Variants in TTC34 observed in about 807,000 individuals in gnomAD.
The protein encoded by TTC34 is tetratricopeptide repeat protein 34.
Under a neutral mutation model 40.7 loss-of-function variants are expected in TTC34, and 44 were observed. The ratio of observed to expected loss-of-function variants is 1.08; its 90% CI spans 0.85 to 1.39. The LOEUF (loss-of-function observed/expected upper bound fraction) is 1.39, where lower values mean the gene tolerates loss of function less well. TTC34 is among the 40% of genes most tolerant of loss of function. The pLI is 0.00. For synonymous variants in TTC34, 422 were observed against 398.6 expected (o/e 1.06, Z -0.70); for missense variants, 884 against 838.0 (o/e 1.05, Z -0.68).
chr1:2,777,669 G>A (rs955470494), intron 6 of TTC34, among the ~76,000 whole-genome samples: 1 of 144,618 alleles, frequency 6.9e-6, no homozygotes, highest in Non-Finnish European at 1.5e-5. Context: ...CTCCTCTCAG[G>A]GTGAAGAGGC....
In TTC34 at chr1:2,645,072, A is replaced by T. The variant is rs1638991938; in HGVS notation, c.2497+221T>A. On this transcript the variant is annotated intron_variant, in intron 7 of 8. Coordinates refer to ENST00000401095, the Ensembl canonical transcript of TTC34. This position sits in a 1 kb window ranked among gnomAD's most constrained non-coding sequence, Gnocchi z 4.7. ...CACCCCTCGGTTTCTCCTCCATTGC[A>T]AGCAAAGAGCCACCCGGGTAAAGCA... Among the ~76,000 whole-genome samples, 1 of 152,170 alleles carries T rather than the reference A, an allele frequency of 6.6e-6. No individual in the cohort carries two copies. The highest frequency in any genetic ancestry group is 2.4e-5 in the African/African-American group (1 of 41,434).
At chr1:2,650,968 A>G (rs1639118491) in intron 6 of TTC34, among the ~76,000 whole-genome samples, 1 of 149,432 alleles carries the variant, frequency 6.7e-6, no homozygotes, top group Admixed American at 6.7e-5. Context: ...GCATCACACC[A>G]TCCAAATGGC....
chr1:2,653,197 GAACCCA>G (rs1639209097), intron 6 of TTC34, among the ~76,000 whole-genome samples: 53 of 80,866 alleles, frequency 6.6e-4, no homozygotes, highest in East Asian at 9.8e-4. Flanking sequence ...GCCTGGAACA[GAACCCA>G]CACCCCCAGG....
intron 6 of TTC34, among the ~76,000 whole-genome samples, chr1:2,652,467 C>A (rs1215904490): frequency 6.6e-6 from 1 of 151,908 alleles, no homozygotes. Flanking sequence ...ATCCGACAGC[C>A]TGGAGCAGAA....
intron 6 of TTC34, among the ~76,000 whole-genome samples, chr1:2,675,110 A>T (rs1639852614): frequency 1.6e-3 from 3 of 1,914 alleles, no homozygotes; most frequent in Non-Finnish European, 3.0e-3. Context: ...AGCCTGGAGC[A>T]GTGCCCACAC....
Position 2,787,612 on chromosome 1 carries a change from G to A in TTC34, c.1723C>T (p.Arg575Cys), listed in dbSNP as rs1456345974. The change falls in exon 4 of 9, where the codon CGC becomes TGC. Residue 575 changes from arginine to cysteine, a missense_variant. Coordinates refer to ENST00000401095, the Ensembl canonical transcript of TTC34. ...TGGGTCTCCTCCAGGCGGCCCAGGC[G>A]GTACAGGGCATCAGCCGCCAGGAGG... is the stretch of plus-strand genomic sequence containing the variant. The A allele has an allele frequency of 3.0e-5, 47 of 1,549,816 alleles. No homozygotes were observed. The highest frequency in any genetic ancestry group is 1.2e-4 in the East Asian group (5 of 40,914).
intron 6 of TTC34, among the ~76,000 whole-genome samples, chr1:2,685,914 G>T (rs1353203003): frequency 2.7e-5 from 2 of 75,022 alleles, no homozygotes; most frequent in African/African-American, 1.0e-4. Flanking sequence ...GGAACAGCAC[G>T]CACACCCCCA....
chr1:2,644,535 A>G, intron 7 of TTC34, 57 bp from the exon 8 acceptor site: 6 of 1,475,492 alleles, frequency 4.1e-6, no homozygotes, highest in Non-Finnish European at 5.5e-6. Context: ...GGTGCGAGAG[A>G]GCTGAGACTC....
At chr1:2,800,303 G>A (rs747339009) in exon 2 of TTC34, 1 of 398,674 alleles carries the variant, frequency 2.5e-6, no homozygotes, top group Non-Finnish European at 4.4e-6. Flanking sequence ...GGGTGCGAAT[G>A]AAAGCTACCG....
At chr1:2,759,561 C>G (rs1641623028) in intron 6 of TTC34, among the ~76,000 whole-genome samples, 4 of 151,962 alleles carry the variant, frequency 2.6e-5, no homozygotes, top group Admixed American at 2.6e-4. Context: ...ACCCACACTC[C>G]CAGACGAGCA....
chr1:2,789,432 A>G (rs1255579916), intron 3 of TTC34, 71 bp downstream of exon 3: 8 of 1,392,666 alleles, frequency 5.7e-6, no homozygotes, highest in Non-Finnish European at 7.6e-6. Context: ...ATAGGAGGAA[A>G]CACATCCGTC....
At chr1:2,750,231 G>A (rs1569688584) in intron 6 of TTC34, among the ~76,000 whole-genome samples, 3 of 151,894 alleles carry the variant, frequency 2.0e-5, no homozygotes, top group Non-Finnish European at 4.4e-5. Flanking sequence ...ATGGTCTGGA[G>A]CAGCACCCAC....
intron 6 of TTC34, among the ~76,000 whole-genome samples, chr1:2,778,146 C>A (rs1643366407): frequency 6.6e-6 from 1 of 152,258 alleles, no homozygotes; most frequent in African/African-American, 2.4e-5. Context: ...CCTGCAGCAG[C>A]AAGCATGGCC....
At chr1:2,756,908 C>G (rs1490446636) in intron 6 of TTC34, among the ~76,000 whole-genome samples, 3 of 101,172 alleles carry the variant, frequency 3.0e-5, no homozygotes, top group African/African-American at 1.1e-4. Context: ...TACCCACACC[C>G]ACAGTTGAGC....
intron 6 of TTC34, among the ~76,000 whole-genome samples, chr1:2,648,506 G>A (rs1353038331): frequency 6.6e-6 from 1 of 152,056 alleles, no homozygotes; most frequent in African/African-American, 2.4e-5. Flanking sequence ...TTTGCTGCCT[G>A]TTGTTTGGTG....
At chr1:2,651,652 T>A (rs1245665234) in intron 6 of TTC34, among the ~76,000 whole-genome samples, 1 of 150,676 alleles carries the variant, frequency 6.6e-6, no homozygotes, top group African/African-American at 2.4e-5. Flanking sequence ...CAGGAGGGCA[T>A]CTGACAGCCT....
intron 6 of TTC34, among the ~76,000 whole-genome samples, chr1:2,699,994 C>A (rs1473591829): frequency 1.8e-5 from 2 of 111,420 alleles, no homozygotes; most frequent in African/African-American, 5.7e-5. Context: ...CATCTGACAG[C>A]CTGGAGCAGC....
intron 6 of TTC34, among the ~76,000 whole-genome samples, chr1:2,755,289 A>G (rs1641467866): frequency 2.9e-4 from 10 of 34,634 alleles, no homozygotes; most frequent in East Asian, 1.3e-3. Context: ...ACAGCCTGGA[A>G]CAGCACCCAC....
At chr1:2,768,464 A>G (rs1416882241) in intron 6 of TTC34, among the ~76,000 whole-genome samples, 1 of 148,940 alleles carries the variant, frequency 6.7e-6, no homozygotes, top group South Asian at 2.2e-4. Context: ...CACAACTTCA[A>G]ATAAGAATTT....
Sources: allele counts gnomAD v4.1 joint callset (sites outside exome capture counted in the v4.1 genomes callset), GRCh38; gene constraint gnomAD v4.1.1; non-coding constraint Gnocchi (gnomAD v3.1); transcripts MANE v1.5; gene names NCBI Gene and HGNC (gene_info 2026-07-23, HGNC 2026-07-21).